The following CDH19 variants were observed in gnomAD, a reference collection of about 807,000 sequenced individuals.
The protein encoded by CDH19 is cadherin-19.
A neutral mutation model predicts 64.2 loss-of-function variants in CDH19; 67 were observed. The observed-to-expected ratio is 1.04, with a 90% CI of 0.86 to 1.28. CDH19 has a LOEUF of 1.28. CDH19 is among the 50% of genes most tolerant of loss of function. The probability of loss-of-function intolerance (pLI) is 0.00; values close to 1 mark genes in which losing one functional copy is unlikely to be tolerated. For synonymous variants in CDH19, 346 were observed against 319.3 expected (o/e 1.08, Z -0.89); for missense variants, 1,030 against 929.0 (o/e 1.11, Z -1.41).
rs766733858 is a variant in CDH19, at chr18:66,505,046, G to A, written c.2085C>T (p.Phe695=). The change falls in exon 12 of 12, where the codon TTC becomes TTT. Residue 695 remains phenylalanine, a synonymous_variant. Coordinates refer to ENST00000262150, the MANE Select transcript of CDH19 (RefSeq NM_021153.4). The part of the protein sequence containing the change: ...SLQVGPDSAI[F]RKFILEKLEE... Reference sequence around the variant, plus strand: ...CGAGCTTTTCCAGAATGAATTTCCTGAATATGGCACTGTCGGGGCCAACTT... The same window carrying A: ...CGAGCTTTTCCAGAATGAATTTCCTAAATATGGCACTGTCGGGGCCAACTT... 2.7e-5 allele frequency: 43 copies of A among 1,613,518 alleles called. No individual in the cohort carries two copies. The highest frequency in any genetic ancestry group is 3.5e-5 in the Non-Finnish European group (41 of 1,179,768).
rs1984987848 is a variant in CDH19 at position 66,502,474 on chromosome 18, T to G, written c.*2338A>C. The G allele has an allele frequency of 6.6e-6, 1 of 152,024 alleles. No homozygotes were observed. The highest frequency in any genetic ancestry group is 6.6e-5 in the Admixed American group (1 of 15,240). 9.4% of individuals were successfully genotyped at this position (152,024 alleles called of 1,614,324 possible). On this transcript the variant is annotated 3_prime_UTR_variant, in exon 12 of 12. Transcript: ENST00000262150. ...TATAAGGCTTTTATTCATACAAAAT[T>G]TCCGTCATCTCCAGAAAGCCTTATT...
intron 3 of CDH19, among the ~76,000 whole-genome samples, chr18:66,554,734 C>T (rs568405397): frequency 8.6e-5 from 13 of 151,670 alleles, no homozygotes; most frequent in African/African-American, 3.1e-4. Flanking sequence ...ACAAAATATT[C>T]CTAATTCCTG....
At chr18:66,559,134 C>A (rs1482034934) in intron 3 of CDH19, among the ~76,000 whole-genome samples, 1 of 151,860 alleles carries the variant, frequency 6.6e-6, no homozygotes, top group Non-Finnish European at 1.5e-5. Context: ...ACATAAGGAC[C>A]ATTGTTTACA....
In CDH19 at chr18:66,548,032, A is replaced by ATG. The variant is rs1200092744; in HGVS notation, c.775+3060_775+3061dup. ...AATATATGTGCATTATATACTATAT[A>ATG]TGTGTATTATATATATTATATATGA... On this transcript the variant is annotated intron_variant, in intron 5 of 11. Transcript: ENST00000262150. Among the ~76,000 whole-genome samples the ATG allele has an allele frequency of 4.1e-5, 6 of 147,392 alleles. No homozygotes were observed. The East Asian group carries it at 9.8e-4, about 24-fold the overall frequency.
intron 9 of CDH19, among the ~76,000 whole-genome samples, chr18:66,513,145 T>C (rs1413983353): frequency 6.6e-6 from 1 of 151,508 alleles, no homozygotes; most frequent in African/African-American, 2.4e-5. Context: ...GTGGCTACAG[T>C]GTTCAGATAA....
chr18:66,524,726 T>C (rs1306874925), intron 9 of CDH19, among the ~76,000 whole-genome samples: 2 of 152,014 alleles, frequency 1.3e-5, no homozygotes, highest in African/African-American at 2.4e-5. Context: ...TATCACCCTA[T>C]GCACATACTC....
At chr18:66,602,699 T>A (rs8091803) in intron 1 of CDH19, among the ~76,000 whole-genome samples, 51,171 of 151,602 alleles carry the variant, frequency 0.34, 10,082 homozygotes, top group Non-Finnish European at 0.45. Context: ...AAAGGCTTGG[T>A]AAAGTGGAAA....
At chr18:66,541,346 T>C (rs1986878537) in intron 7 of CDH19, among the ~76,000 whole-genome samples, 1 of 145,918 alleles carries the variant, frequency 6.9e-6, no homozygotes, top group African/African-American at 2.6e-5. Context: ...AATATCCTAA[T>C]ATTTTTTCTG....
Position 66,505,315 on chromosome 18 carries a change from G to T in CDH19, c.1829-13C>A. On this transcript the variant is annotated splice_polypyrimidine_tract_variant and intron_variant, in intron 11 of 11. Coordinates refer to ENST00000262150, the MANE Select transcript of CDH19 (RefSeq NM_021153.4). ...AAAAAAATAAACCCTGATGAAGAAAGCACATCAGAATATCAATAAACAATA... is the reference window on the plus strand; with the variant it reads ...AAAAAAATAAACCCTGATGAAGAAATCACATCAGAATATCAATAAACAATA... The T allele has an allele frequency of 6.6e-7, 1 of 1,524,380 alleles. No homozygotes were observed. The highest frequency in any genetic ancestry group is 2.3e-5 in the East Asian group (1 of 44,442). The allele number at this position is 1,524,380 out of a possible 1,614,324, so 94.4% of individuals were successfully genotyped here.
Position 66,554,503 on chromosome 18 carries a change from G to C in CDH19, c.512C>G (p.Thr171Arg), listed in dbSNP as rs765184754. The C allele has an allele frequency of 2.5e-6, 4 of 1,611,038 alleles. No individual in the cohort carries two copies. In the South Asian group the frequency reaches 4.4e-5, roughly 18 times the overall value. ...SPEGTLVIQV[T>R]ASDADDPSSG... ...TGAGGGATCGTCAGCATCACTTGCT[G>C]TCACCTGGATAACTAATGTTCCTAA... The change falls in exon 4 of 12, where the codon ACA becomes AGA. Residue 171 changes from threonine (T) to arginine (R), a missense_variant. Physicochemically the swap from Thr to Arg is moderately conservative, Grantham distance 71. Transcript: ENST00000262150.
chr18:66,501,684 G>A lies in CDH19; in HGVS notation c.*3128C>T, dbSNP rs1984948692. Reference sequence around the variant, plus strand: ...ATAATAATTCACTGTTATTTATTGAGCAGTTATATTTTGTCAGGCACTATT... The same window carrying A: ...ATAATAATTCACTGTTATTTATTGAACAGTTATATTTTGTCAGGCACTATT... On this transcript the variant is annotated 3_prime_UTR_variant, in exon 12 of 12. Transcript: ENST00000262150. The A allele has an allele frequency of 6.6e-6, 1 of 152,072 alleles. No homozygotes were observed. The allele number at this position is 152,072 out of a possible 1,614,324, so 9.4% of individuals were successfully genotyped here.
chr18:66,581,831 C>A (rs879615404), intron 1 of CDH19, among the ~76,000 whole-genome samples: 2 of 152,032 alleles, frequency 1.3e-5, no homozygotes, highest in African/African-American at 2.4e-5. Flanking sequence ...TGAGTTAATT[C>A]TCCTAATAAA....
intron 7 of CDH19, among the ~76,000 whole-genome samples, chr18:66,540,456 T>G (rs1480491188): frequency 1.3e-5 from 2 of 152,126 alleles, no homozygotes; most frequent in Non-Finnish European, 2.9e-5. Flanking sequence ...AGACAGCTAT[T>G]AAAAATTACC....
chr18:66,600,656 T>A (rs932768048), intron 1 of CDH19, among the ~76,000 whole-genome samples: 15 of 151,894 alleles, frequency 9.9e-5, no homozygotes, highest in African/African-American at 3.4e-4. Context: ...TATAAATAAT[T>A]CACATGGTCT....
intron 3 of CDH19, among the ~76,000 whole-genome samples, chr18:66,560,593 A>G (rs1478988471): frequency 6.6e-6 from 1 of 152,076 alleles, no homozygotes; most frequent in Non-Finnish European, 1.5e-5. Context: ...TGTATATAAT[A>G]TTTATGGAAA....
At chr18:66,559,849 G>T (rs1987656607) in intron 3 of CDH19, among the ~76,000 whole-genome samples, 1 of 151,512 alleles carries the variant, frequency 6.6e-6, no homozygotes, top group Admixed American at 6.6e-5. Flanking sequence ...TGAAAATACT[G>T]GATTTAGGAA....
intron 9 of CDH19, among the ~76,000 whole-genome samples, chr18:66,526,706 A>C (rs1167743412): frequency 6.6e-6 from 1 of 152,056 alleles, no homozygotes; most frequent in Admixed American, 6.5e-5. Context: ...CCAAAGAATT[A>C]TTTCATCATT....
chr18:66,511,681 A>C lies in CDH19; in HGVS notation c.1463T>G (p.Ile488Ser), dbSNP rs766808234. The C allele has an allele frequency of 1.4e-6, 2 of 1,456,394 alleles. No homozygotes were observed. Among genetic ancestry groups the C allele is most frequent in the East Asian group, 4.6e-5 (2 of 43,758 alleles). The allele number at this position is 1,456,394 out of a possible 1,614,324, so 90.2% of individuals were successfully genotyped here. A position where few individuals can be genotyped will look rare whatever the true frequency, so the allele number is the denominator to read the frequency against. Residue 488 changes from isoleucine to serine, a missense_variant, in exon 10 of 12, where the codon ATT becomes AGT. Ile to Ser is a moderately radical substitution (Grantham distance 142). Transcript: ENST00000262150. Reference protein sequence around the residue: ...VCENAGSGQVIQTISAVDRDE... With the variant: ...VCENAGSGQVSQTISAVDRDE... The stretch of plus-strand genomic sequence containing the variant: ...TCTATCCACTGCACTGATAGTCTGA[A>C]TTACCTAAAAAAAAAGGGGGATAGA...
In CDH19 at chr18:66,510,622, T is replaced by TA. The variant is rs1555683239; in HGVS notation, c.1576+945dup. The stretch of plus-strand genomic sequence containing the variant: ...ATAATAATAATAATAATAATAATAA[T>TA]AATAATACATGTACCCCCTGAATCT... On this transcript the variant is annotated intron_variant, in intron 10 of 11. Transcript: ENST00000262150. Among the ~76,000 whole-genome samples the TA allele has an allele frequency of 5.3e-4, 71 of 132,866 alleles. 1 individual carries two copies. The highest frequency in any genetic ancestry group is 1.9e-3 in the African/African-American group (69 of 36,478). The allele number at this position is 132,866 out of a possible 152,430, so 87.2% of individuals were successfully genotyped here.
Sources: allele counts gnomAD v4.1 joint callset (sites outside exome capture counted in the v4.1 genomes callset), GRCh38; gene constraint gnomAD v4.1.1; transcripts MANE v1.5; gene names NCBI Gene and HGNC (gene_info 2026-07-23, HGNC 2026-07-21).